Variants in ARK2C observed in about 807,000 individuals in gnomAD.
ARK2C encodes the protein E3 ubiquitin-protein ligase ARK2C.
At chr18:46,373,936 A>G in the ARK2C span, among the ~76,000 whole-genome samples, 5 of 151,714 alleles carry the variant, frequency 3.3e-5, no homozygotes, top group Admixed American at 6.6e-5. Flanking sequence ...GCAGATGGAC[A>G]GTTGCTCCGA....
chr18:46,372,803 G>A, the ARK2C span, among the ~76,000 whole-genome samples: 4 of 152,356 alleles, frequency 2.6e-5, no homozygotes, highest in Admixed American at 6.5e-5. Context: ...AAATCCATAC[G>A]TTTCCTTTAT....
chr18:46,442,020 G>A, the ARK2C span, among the ~76,000 whole-genome samples: 12 of 146,386 alleles, frequency 8.2e-5, no homozygotes, highest in Non-Finnish European at 1.5e-4. Flanking sequence ...AAAATTAGCC[G>A]GGCATGGTGG....
At chr18:46,456,114 C>T in the ARK2C span, 3 of 1,296,666 alleles carry the variant, frequency 2.3e-6, no homozygotes, top group Non-Finnish European at 3.3e-6. Context: ...CCTCTCCCCT[C>T]TCTTATAGGT....
the ARK2C span, chr18:46,335,488 T>A: frequency 6.6e-6 from 1 of 152,322 alleles, no homozygotes; most frequent in Non-Finnish European, 1.5e-5. Flanking sequence ...GTATTCTGCC[T>A]CTGGACTCAC....
chr18:46,419,836 T>A, the ARK2C span, among the ~76,000 whole-genome samples: 1 of 151,948 alleles, frequency 6.6e-6, no homozygotes, highest in Non-Finnish European at 1.5e-5. Context: ...ATCTCCTCCC[T>A]CCCCCCTTCC....
At chr18:46,457,314 A>AG in the ARK2C span, 72 of 150,266 alleles carry the variant, frequency 4.8e-4, no homozygotes, top group African/African-American at 6.4e-4. Flanking sequence ...GGGAGGCGGG[A>AG]GGGGGGGGTT....
chr18:46,359,663 A>G, the ARK2C span, among the ~76,000 whole-genome samples: 2 of 152,212 alleles, frequency 1.3e-5, no homozygotes, highest in Admixed American at 1.3e-4. Context: ...TCACATGTTC[A>G]GGAAGAGGTC....
the ARK2C span, chr18:46,462,194 A>T: frequency 7.2e-5 from 11 of 152,278 alleles, no homozygotes; most frequent in Non-Finnish European, 1.2e-4. Flanking sequence ...GGACATGGGG[A>T]AGTCACTGTC....
At chr18:46,353,739 C>T in the ARK2C span, among the ~76,000 whole-genome samples, 1,516 of 152,230 alleles carry the variant, frequency 1.0e-2, 5 homozygotes, top group South Asian at 0.016. Flanking sequence ...GCTGCTGCCT[C>T]GGATCCTTGA....
chr18:46,450,130 G>T, the ARK2C span, among the ~76,000 whole-genome samples: 8 of 152,172 alleles, frequency 5.3e-5, no homozygotes, highest in African/African-American at 1.7e-4. Context: ...TCCAGGCAAG[G>T]CTTGGTTCTT....
the ARK2C span, among the ~76,000 whole-genome samples, chr18:46,434,293 T>C: frequency 3.3e-5 from 5 of 152,232 alleles, no homozygotes; most frequent in Non-Finnish European, 7.3e-5. Context: ...ATGTTTACCA[T>C]ATTAAAAATA....
chr18:46,437,014 G>A, the ARK2C span, among the ~76,000 whole-genome samples: 1 of 152,166 alleles, frequency 6.6e-6, no homozygotes, highest in South Asian at 2.1e-4. Flanking sequence ...ACAGGTGCTG[G>A]CCCTGTCCTC....
chr18:46,378,486 T>C, the ARK2C span, among the ~76,000 whole-genome samples: 1 of 152,172 alleles, frequency 6.6e-6, no homozygotes, highest in Non-Finnish European at 1.5e-5. Context: ...CCGCTTTCTG[T>C]AAGTCACCAC....
At chr18:46,386,647 T>C in the ARK2C span, 2 of 152,146 alleles carry the variant, frequency 1.3e-5, no homozygotes, top group South Asian at 2.1e-4. Context: ...TCCAACCATG[T>C]AGATAGCTAT....
chr18:46,416,753 G>A, the ARK2C span, among the ~76,000 whole-genome samples: 7 of 152,200 alleles, frequency 4.6e-5, no homozygotes, highest in Non-Finnish European at 1.0e-4. Flanking sequence ...TATATCACAT[G>A]GTCTGTCATT....
At chr18:46,357,490 G>A in the ARK2C span, among the ~76,000 whole-genome samples, 419 of 152,362 alleles carry the variant, frequency 2.8e-3, 2 homozygotes, top group African/African-American at 9.7e-3. Flanking sequence ...ATTTTGGTGG[G>A]CTGTGCTGGC....
At chr18:46,392,772 G>A in the ARK2C span, among the ~76,000 whole-genome samples, 23 of 152,268 alleles carry the variant, frequency 1.5e-4, no homozygotes, top group African/African-American at 4.6e-4. Flanking sequence ...TACCCAGCCC[G>A]GACGGGGCCT....
At chr18:46,366,386 G>T in the ARK2C span, among the ~76,000 whole-genome samples, 1 of 151,446 alleles carries the variant, frequency 6.6e-6, no homozygotes, top group Admixed American at 6.6e-5. Context: ...AGACAGCTGG[G>T]AACAGCTGAC....
the ARK2C span, among the ~76,000 whole-genome samples, chr18:46,409,126 A>G: frequency 1.7e-4 from 26 of 152,238 alleles, no homozygotes; most frequent in Non-Finnish European, 3.1e-4. Context: ...AGGGGGTGCA[A>G]TAGAAATGTC....
Sources: allele counts gnomAD v4.1 joint callset (sites outside exome capture counted in the v4.1 genomes callset), GRCh38; gene constraint gnomAD v4.1.1; transcripts MANE v1.5; gene names NCBI Gene and HGNC (gene_info 2026-07-23, HGNC 2026-07-21).